Variants in AZIN2 observed in about 807,000 individuals in gnomAD.
The protein encoded by AZIN2 is antizyme inhibitor 2.
A neutral mutation model predicts 47.8 loss-of-function variants in AZIN2; 28 were observed. The ratio of observed to expected loss-of-function variants is 0.59; its 90% CI spans 0.43 to 0.80. The LOEUF (loss-of-function observed/expected upper bound fraction) is 0.80. Among genes scored for constraint, AZIN2 ranks in the 30% least tolerant of loss-of-function variants. AZIN2 has a pLI of 0.00. For synonymous variants in AZIN2, 221 were observed against 239.4 expected (o/e 0.92, Z 0.71); for missense variants, 535 against 582.5 (o/e 0.92, Z 0.84).
the AZIN2 span, among the ~76,000 whole-genome samples, chr1:33,138,163 A>C: frequency 6.6e-6 from 1 of 152,108 alleles, no homozygotes; most frequent in Non-Finnish European, 1.5e-5. Flanking sequence ...CTGGAGCAAG[A>C]GCGTTCTGGG....
chr1:33,115,709 A>T lies in AZIN2; in HGVS notation c.1030-2193A>T, dbSNP rs150603146. On this transcript the variant is annotated intron_variant, in intron 10 of 11. Transcript: ENST00000294517. ...CAGAGTGAGACTCTGTCTCAAAAAA[A>T]AGTTAAATAGATACATAAATAGTAA... 8.9e-3 allele frequency among the ~76,000 whole-genome samples: 1,358 copies of T among 152,268 alleles called. 21 individuals carry two copies. Among genetic ancestry groups the T allele is most frequent in the African/African-American group, 0.031 (1,282 of 41,550 alleles).
intron 9 of AZIN2, 81 bp downstream of exon 9, chr1:33,096,950 A>G (rs532258006): frequency 1.3e-6 from 2 of 1,559,500 alleles, no homozygotes; most frequent in East Asian, 2.3e-5. Context: ...CTGGTTTTAG[A>G]CCCAGTGGCA....
At chr1:33,157,748 GT>G in the AZIN2 span, among the ~76,000 whole-genome samples, 32 of 145,374 alleles carry the variant, frequency 2.2e-4, no homozygotes, top group East Asian at 4.0e-4. Context: ...CCTATCTCAT[GT>G]TTTTTTTTTT....
At chr1:33,089,921 G>A (rs553395555) in intron 5 of AZIN2, among the ~76,000 whole-genome samples, 5 of 152,288 alleles carry the variant, frequency 3.3e-5, no homozygotes, top group Non-Finnish European at 5.9e-5. Flanking sequence ...TTCGTGGAGA[G>A]TCAGACTTGA....
the AZIN2 span, among the ~76,000 whole-genome samples, chr1:33,155,201 A>G: frequency 6.6e-6 from 1 of 151,342 alleles, no homozygotes; most frequent in Non-Finnish European, 1.5e-5. Context: ...CCTCCCGAGT[A>G]ATTGGGATTA....
intron 3 of AZIN2, 168 bp from the exon 4 acceptor site, chr1:33,082,010 T>C (rs1641316449): frequency 3.7e-6 from 2 of 543,008 alleles, no homozygotes; most frequent in Non-Finnish European, 6.6e-6. Flanking sequence ...CGGTGCCTTG[T>C]CTCCGTCTGA....
At chr1:33,140,213 C>T in the AZIN2 span, among the ~76,000 whole-genome samples, 4 of 152,294 alleles carry the variant, frequency 2.6e-5, no homozygotes, top group South Asian at 2.1e-4. This position sits in a 1 kb window ranked among gnomAD's most constrained non-coding sequence, Gnocchi z 4.0. Flanking sequence ...GGGATGCTTA[C>T]GGTGGCGATG....
chr1:33,141,795 A>C, the AZIN2 span: 1 of 169,804 alleles, frequency 5.9e-6, no homozygotes, highest in East Asian at 1.4e-4. Context: ...ACATTTACCT[A>C]TGTAACAAAC....
chr1:33,118,091 A>T lies in AZIN2; in HGVS notation c.1219A>T (p.Thr407Ser). Residue 407 changes from threonine to serine, a missense_variant, in exon 11 of 12, where the codon ACC becomes TCC. By Grantham distance (58) the Thr-to-Ser change is moderately conservative. Around this residue, in one of 3 missense-constraint regions of AZIN2, gnomAD observed 122 missense variants for 135.8 expected, o/e 0.90. Transcript: ENST00000294517. ...PFWGTQACHI[T>S]YAMSRVAWEA... ...TTGGGGGACCCAGGCCTGCCACATC[A>T]CCTATGCCATGTCCCGGGTGGCCTG... is the stretch of plus-strand genomic sequence containing the variant. 1 of 1,513,176 alleles carries T rather than the reference A, an allele frequency of 6.6e-7. No homozygotes were observed. Among genetic ancestry groups the T allele is most frequent in the Non-Finnish European group, 8.8e-7 (1 of 1,133,658 alleles). 93.7% of individuals were successfully genotyped at this position (1,513,176 alleles called of 1,614,324 possible). A position where few individuals can be genotyped will look rare whatever the true frequency, so the allele number is the denominator to read the frequency against.
downstream of AZIN2, among the ~76,000 whole-genome samples, chr1:33,125,357 G>A (rs547511568): frequency 4.6e-5 from 7 of 152,268 alleles, no homozygotes; most frequent in Admixed American, 2.6e-4. Context: ...GTTGATTTCC[G>A]CTGCGATGCC....
Position 33,096,792 on chromosome 1 carries a change from A to G in AZIN2, c.839A>G (p.Tyr280Cys). The change falls in exon 9 of 12, where the codon TAC (tyrosine) becomes TGC (cysteine). Residue 280 changes from tyrosine to cysteine, a missense_variant. Transcript: ENST00000294517. The stretch of plus-strand genomic sequence containing the variant: ...ATCTTTGCTGAGCTGGGGCGCTACT[A>G]CGTGACCTCGGCCTTCACTGTGGCA... ...VDIFAELGRY[Y>C]VTSAFTVAVS... 2 of 1,614,168 alleles carry G rather than the reference A, an allele frequency of 1.2e-6. No individual in the cohort carries two copies. Among genetic ancestry groups the G allele is most frequent in the Middle Eastern group, 1.6e-4 (1 of 6,062 alleles).
chr1:33,145,918 TC>T, the AZIN2 span: 38 of 470,990 alleles, frequency 8.1e-5, no homozygotes, highest in South Asian at 5.4e-4. Flanking sequence ...TGACTTAAGT[TC>T]CCCCAAACAG....
chr1:33,138,400 G>T, the AZIN2 span, among the ~76,000 whole-genome samples: 14 of 152,246 alleles, frequency 9.2e-5, no homozygotes, highest in South Asian at 1.2e-3. Flanking sequence ...AGTGGTTCAT[G>T]CCTGTAATCC....
At chr1:33,163,868 GC>G in the AZIN2 span, 1 of 152,612 alleles carries the variant, frequency 6.6e-6, no homozygotes, top group Non-Finnish European at 1.5e-5. Flanking sequence ...AGGAAGTGGG[GC>G]TGGGGGAACT....
At chr1:33,115,258 C>T (rs1644486446) in intron 10 of AZIN2, among the ~76,000 whole-genome samples, 1 of 152,180 alleles carries the variant, frequency 6.6e-6, no homozygotes, top group Admixed American at 6.5e-5. Context: ...GAACCCCCTG[C>T]CCTCTCTCAC....
At chr1:33,159,880 C>T in the AZIN2 span, 28 of 1,611,716 alleles carry the variant, frequency 1.7e-5, 2 homozygotes, top group East Asian at 1.3e-4. This position sits in a 1 kb window ranked among gnomAD's most constrained non-coding sequence, Gnocchi z 4.2. Context: ...CTGGCGTTCA[C>T]GCAGCAGCCG....
chr1:33,084,556 AT>A (rs1330521901), intron 5 of AZIN2, among the ~76,000 whole-genome samples: 1 of 151,504 alleles, frequency 6.6e-6, no homozygotes. Flanking sequence ...TTCTAATTTG[AT>A]TTCTGCTGTT....
chr1:33,127,100 T>A (rs1385370875), downstream of AZIN2, among the ~76,000 whole-genome samples: 1 of 152,146 alleles, frequency 6.6e-6, no homozygotes, highest in Non-Finnish European at 1.5e-5. Context: ...TGGTGAGTCG[T>A]ATGGGAAGCG....
In AZIN2 at chr1:33,094,662, C is replaced by T. The variant is rs368655497; in HGVS notation, c.702C>T (p.Asp234=). The T allele has an allele frequency of 1.9e-6, 3 of 1,614,002 alleles. No homozygotes were observed. The highest frequency in any genetic ancestry group is 3.3e-5 in the Admixed American group (2 of 59,992). The stretch of plus-strand genomic sequence containing the variant: ...TGGGTCACAAGATGCACGTTCTGGA[C>T]CTTGGTGGTGGCTTCCCTGGCACAG... ...TELGHKMHVL[D]LGGGFPGTEG... Residue 234 remains aspartate (D), a synonymous_variant, in exon 8 of 12, where the codon GAC becomes GAT. Transcript: ENST00000294517.
Sources: gnomAD v4.1 joint callset for allele counts (sites outside exome capture counted in the v4.1 genomes callset) on GRCh38, gnomAD v4.1.1 for gene constraint, gnomAD v4.1.1 regional missense constraint, Gnocchi (gnomAD v3.1) non-coding constraint, MANE v1.5 for transcripts, NCBI Gene and HGNC (gene_info 2026-07-23, HGNC 2026-07-21) for gene names.